Variants in SAP130 observed in about 807,000 individuals in gnomAD.
SAP130 encodes the protein histone deacetylase complex subunit SAP130.
Under a neutral mutation model 103.2 loss-of-function variants are expected in SAP130, and 16 were observed. That is an observed-to-expected ratio of 0.16 (90% CI 0.10 to 0.24). The LOEUF is 0.24. SAP130 is among the 10% of genes least tolerant of loss of function. SAP130 has a pLI of 1.00. For missense variants in SAP130, 990 were observed against 1,359.7 expected (o/e 0.73, Z 4.28); for synonymous variants, 477 against 497.0 (o/e 0.96, Z 0.53).
chr2:127,947,367 A>G (rs1195615860), intron 18 of SAP130, among the ~76,000 whole-genome samples: 1 of 152,192 alleles, frequency 6.6e-6, no homozygotes, highest in Non-Finnish European at 1.5e-5. Context: ...CAAATGTTGA[A>G]CCAGCTTTGC....
chr2:127,943,933 A>G (rs1019461755), intron 19 of SAP130, among the ~76,000 whole-genome samples: 1 of 152,250 alleles, frequency 6.6e-6, no homozygotes, highest in Non-Finnish European at 1.5e-5. Context: ...CTCCTTTGCA[A>G]TAAAACTTAG....
intron 15 of SAP130, among the ~76,000 whole-genome samples, chr2:127,963,242 T>C (rs1680385411): frequency 6.6e-6 from 1 of 152,190 alleles, no homozygotes; most frequent in African/African-American, 2.4e-5. Flanking sequence ...TCTCTCTCTC[T>C]TATTAAAGAC....
chr2:127,947,881 G>A (rs758187616), intron 18 of SAP130, among the ~76,000 whole-genome samples: 5 of 151,882 alleles, frequency 3.3e-5, no homozygotes, highest in Non-Finnish European at 7.4e-5. Context: ...TCCACTTCCC[G>A]GGGATTCATG....
intron 6 of SAP130, among the ~76,000 whole-genome samples, chr2:128,012,191 C>T (rs1488664793): frequency 2.6e-5 from 4 of 152,188 alleles, no homozygotes; most frequent in African/African-American, 7.2e-5. Context: ...GATTTTTGGC[C>T]GGGCACAGTA....
intron 11 of SAP130, among the ~76,000 whole-genome samples, chr2:127,994,430 A>C (rs1683034956): frequency 6.6e-6 from 1 of 152,164 alleles, no homozygotes; most frequent in African/African-American, 2.4e-5. Context: ...GTCTTCTACT[A>C]AAAATACAAA....
intron 7 of SAP130, among the ~76,000 whole-genome samples, chr2:128,006,051 C>A (rs1683954405): frequency 6.9e-6 from 1 of 145,574 alleles, no homozygotes; most frequent in African/African-American, 2.5e-5. Flanking sequence ...AAGAATCAGG[C>A]AATAAGGCAA....
At chr2:127,943,635 A>G (rs1678862119) in intron 19 of SAP130, among the ~76,000 whole-genome samples, 1 of 152,240 alleles carries the variant, frequency 6.6e-6, no homozygotes, top group African/African-American at 2.4e-5. Context: ...GTATCTATAC[A>G]TAGAAAAGGT....
At chr2:127,963,797 C>A (rs953634661) in intron 15 of SAP130, among the ~76,000 whole-genome samples, 13 of 152,196 alleles carry the variant, frequency 8.5e-5, no homozygotes, top group African/African-American at 3.1e-4. Context: ...TTGCCTGCCA[C>A]CATCCACGTA....
chr2:128,023,063 G>T (rs1250003276), intron 2 of SAP130, among the ~76,000 whole-genome samples: 1 of 150,192 alleles, frequency 6.7e-6, no homozygotes, highest in Non-Finnish European at 1.5e-5. Context: ...GCGCTATCTT[G>T]GCTCACTGCA....
At chr2:128,015,167 G>A (rs957717371) in intron 4 of SAP130, among the ~76,000 whole-genome samples, 5 of 152,144 alleles carry the variant, frequency 3.3e-5, no homozygotes, top group Admixed American at 2.0e-4. Flanking sequence ...AATATACTTC[G>A]ATATCTACGT....
intron 15 of SAP130, among the ~76,000 whole-genome samples, chr2:127,966,019 A>T (rs1680630770): frequency 6.6e-6 from 1 of 152,110 alleles, no homozygotes; most frequent in South Asian, 2.1e-4. Flanking sequence ...ATGCTACATT[A>T]TTTGGTACAC....
intron 2 of SAP130, among the ~76,000 whole-genome samples, chr2:128,020,771 G>A (rs1461941957): frequency 1.3e-5 from 2 of 152,094 alleles, no homozygotes; most frequent in Admixed American, 6.6e-5. Flanking sequence ...GGCTGAGGCA[G>A]GTGGATCACC....
At chr2:127,979,102 TA>T (rs1681679851) in intron 14 of SAP130, among the ~76,000 whole-genome samples, 1 of 152,198 alleles carries the variant, frequency 6.6e-6, no homozygotes, top group Non-Finnish European at 1.5e-5. Context: ...GAGTTTAGTT[TA>T]AAATCCAGTG....
At position 127,955,018 on chromosome 2, in the gene SAP130, ACTT is replaced by A. The variant is rs1415568732; in HGVS notation, c.2387_2389del (p.Glu796del). ...TGGCCTCATGATATCCATTGGTTCT[ACTT>A]CTTCTTTCACTTTAATTTCAGGAAC... On this transcript the variant is annotated inframe_deletion, in exon 16 of 21. Transcript: ENST00000643581. The surrounding 1 kb of genome is among the most constrained non-coding windows in gnomAD (Gnocchi z 4.9). The A allele has an allele frequency of 5.0e-6, 8 of 1,613,362 alleles. No homozygotes were observed. The highest frequency in any genetic ancestry group is 1.6e-4 in the Middle Eastern group (1 of 6,082).
intron 7 of SAP130, among the ~76,000 whole-genome samples, chr2:128,001,479 G>T (rs1323979492): frequency 2.0e-5 from 3 of 152,204 alleles, no homozygotes; most frequent in Admixed American, 2.0e-4. Flanking sequence ...TAGTTACTCG[G>T]TATTCTTATT....
intron 18 of SAP130, among the ~76,000 whole-genome samples, chr2:127,946,477 T>C (rs994959005): frequency 7.9e-5 from 12 of 152,232 alleles, no homozygotes; most frequent in African/African-American, 2.9e-4. Flanking sequence ...ATTTTCTATA[T>C]TGATTGATAC....
At chr2:127,954,583 A>G (rs148680513) in intron 16 of SAP130, among the ~76,000 whole-genome samples, 99 of 152,322 alleles carry the variant, frequency 6.5e-4, no homozygotes, top group Middle Eastern at 3.4e-3. Context: ...CAGCAACACA[A>G]ATCTTACTTG....
chr2:127,965,815 A>T (rs1680617082), intron 15 of SAP130, among the ~76,000 whole-genome samples: 1 of 151,830 alleles, frequency 6.6e-6, no homozygotes, highest in South Asian at 2.1e-4. Context: ...AAAAAGAAAA[A>T]GTGTAATTAA....
In SAP130 at chr2:127,941,910, A is replaced by C; in HGVS notation, c.*96T>G. The C allele has an allele frequency of 1.8e-5, 16 of 895,036 alleles. No homozygotes were observed. Among genetic ancestry groups the C allele is most frequent in the East Asian group, 2.7e-5 (1 of 36,710 alleles). 55.4% of individuals were successfully genotyped at this position (895,036 alleles called of 1,614,324 possible). A position where few individuals can be genotyped will look rare whatever the true frequency, so the allele number is the denominator to read the frequency against. On this transcript the variant is annotated 3_prime_UTR_variant, in exon 21 of 21. Transcript: ENST00000643581. The stretch of plus-strand genomic sequence containing the variant: ...ACGGGAACTAAGGAACACTTCCTTT[A>C]TTTCAATGTTCCACTTTGGAAAAAA...
Sources: gnomAD v4.1 joint callset for allele counts (sites outside exome capture counted in the v4.1 genomes callset) on GRCh38, gnomAD v4.1.1 for gene constraint, Gnocchi (gnomAD v3.1) non-coding constraint, MANE v1.5 for transcripts, NCBI Gene and HGNC (gene_info 2026-07-23, HGNC 2026-07-21) for gene names.